UBE2E2: variants seen among roughly 807,000 people sequenced by gnomAD.
The protein encoded by UBE2E2 is ubiquitin-conjugating enzyme E2 E2.
Under a neutral mutation model 24.7 loss-of-function variants are expected in UBE2E2, and 6 were observed. That is an observed-to-expected ratio of 0.24 (90% CI 0.13 to 0.48). UBE2E2 has a LOEUF of 0.48. Ranked by LOEUF, UBE2E2 falls within the 20% of genes least tolerant of loss-of-function variation. The pLI, the probability that UBE2E2 is intolerant of heterozygous loss-of-function variation, is 0.99. For missense variants in UBE2E2, 169 were observed against 245.0 expected (o/e 0.69, Z 2.07); for synonymous variants, 104 against 83.6 (o/e 1.24, Z -1.33).
At chr3:23,466,537 A>T (rs992861901) in intron 3 of UBE2E2, among the ~76,000 whole-genome samples, 2 of 151,858 alleles carry the variant, frequency 1.3e-5, no homozygotes, top group African/African-American at 4.8e-5. Flanking sequence ...AATAAGGAGT[A>T]GTCCCAGAGT....
chr3:23,400,608 A>ACACACACACACACACACACACACATACT (rs1491535852), intron 3 of UBE2E2, among the ~76,000 whole-genome samples: 110 of 26,890 alleles, frequency 4.1e-3, no homozygotes, highest in Middle Eastern at 0.023. Context: ...AATAAATGAA[A>ACACACACACACACACACACACACATACT]CACACACACA....
chr3:23,494,020 T>C lies in UBE2E2; in HGVS notation c.228-5588T>C, dbSNP rs77261475. Among the ~76,000 whole-genome samples, 45 of 152,330 alleles carry C rather than the reference T, an allele frequency of 3.0e-4. 2 individuals carry two copies. In the East Asian group the frequency reaches 8.7e-3, roughly 29 times the overall value. On this transcript the variant is annotated intron_variant, in intron 3 of 5. Coordinates refer to ENST00000396703, the MANE Select transcript of UBE2E2 (RefSeq NM_152653.4). ...CAAGGAAACTAAGACATAGAAAAAT[T>C]ACACATTTACCCAGGTCCTAACAGG...
chr3:23,425,251 A>T (rs1478645628), intron 3 of UBE2E2, among the ~76,000 whole-genome samples: 1 of 152,194 alleles, frequency 6.6e-6, no homozygotes, highest in African/African-American at 2.4e-5. Flanking sequence ...GAAGTAGGGT[A>T]GGAATTGCTG....
intron 3 of UBE2E2, among the ~76,000 whole-genome samples, chr3:23,240,688 A>AT (rs1437205950): frequency 1.3e-5 from 2 of 152,216 alleles, no homozygotes; most frequent in African/African-American, 4.8e-5. Flanking sequence ...ATAGGGATGA[A>AT]TTAAGCCCTT....
chr3:23,234,411 C>A (rs1697051608), intron 3 of UBE2E2, among the ~76,000 whole-genome samples: 1 of 152,076 alleles, frequency 6.6e-6, no homozygotes, highest in Non-Finnish European at 1.5e-5. Flanking sequence ...TTCAGTTGGA[C>A]ACATACATTC....
intron 3 of UBE2E2, among the ~76,000 whole-genome samples, chr3:23,225,201 A>G (rs1419361608): frequency 2.0e-5 from 3 of 151,288 alleles, no homozygotes; most frequent in East Asian, 1.9e-4. Context: ...AGTCCTGTAC[A>G]TCAGATATAT....
chr3:23,570,027 C>T (rs376950313), intron 5 of UBE2E2, among the ~76,000 whole-genome samples: 17 of 152,248 alleles, frequency 1.1e-4, no homozygotes, highest in South Asian at 2.1e-4. Flanking sequence ...CTCACTACTG[C>T]GGGTCACTTT....
intron 3 of UBE2E2, among the ~76,000 whole-genome samples, chr3:23,228,074 A>G (rs1400027235): frequency 6.6e-6 from 1 of 152,194 alleles, no homozygotes; most frequent in Non-Finnish European, 1.5e-5. Flanking sequence ...GTATTAAGGG[A>G]AGACAACTGT....
intron 3 of UBE2E2, among the ~76,000 whole-genome samples, chr3:23,351,475 G>A (rs1432836845): frequency 6.6e-6 from 1 of 152,316 alleles, no homozygotes; most frequent in South Asian, 2.1e-4. Context: ...TCAGTGTGCT[G>A]TATTCAGGAA....
chr3:23,288,976 C>T (rs940143495), intron 3 of UBE2E2, among the ~76,000 whole-genome samples: 2 of 152,192 alleles, frequency 1.3e-5, no homozygotes, highest in African/African-American at 2.4e-5. Flanking sequence ...CTGTCCTACC[C>T]TCTTCAGTGA....
intron 3 of UBE2E2, among the ~76,000 whole-genome samples, chr3:23,331,896 T>G (rs1425833194): frequency 6.6e-6 from 1 of 152,224 alleles, no homozygotes; most frequent in East Asian, 1.9e-4. Flanking sequence ...GTCTAGTTGC[T>G]TAGTAAATGA....
At chr3:23,294,636 T>C (rs1480295490) in intron 3 of UBE2E2, among the ~76,000 whole-genome samples, 1 of 147,416 alleles carries the variant, frequency 6.8e-6, no homozygotes, top group Non-Finnish European at 1.5e-5. Context: ...GATATTTTTG[T>C]ATCTTTAGAT....
At chr3:23,552,375 A>C (rs148347948) in intron 5 of UBE2E2, among the ~76,000 whole-genome samples, 15 of 152,272 alleles carry the variant, frequency 9.9e-5, no homozygotes, top group South Asian at 2.1e-4. Context: ...TTTCAGTCAG[A>C]ATGTCAATAA....
In UBE2E2 at chr3:23,383,419, A is replaced by C. The variant is rs561239719; in HGVS notation, c.228-116189A>C. Among the ~76,000 whole-genome samples, 7 of 152,258 alleles carry C rather than the reference A, an allele frequency of 4.6e-5. No homozygotes were observed. In the East Asian group the frequency reaches 1.4e-3, roughly 29 times the overall value. On this transcript the variant is annotated intron_variant, in intron 3 of 5. Coordinates refer to ENST00000396703, the MANE Select transcript of UBE2E2 (RefSeq NM_152653.4). The stretch of plus-strand genomic sequence containing the variant: ...AGAGAAGTAGACGAAATCAACAACT[A>C]TATAGAATGAAATAGAAGCCGATTG...
In UBE2E2 at chr3:23,375,352, A is replaced by G. The variant is rs561413809; in HGVS notation, c.228-124256A>G. ...AATCACTTTTTAACTTACTATGAGA[A>G]TGCTACCTGATCCAAAAACCTGAAA... is the stretch of plus-strand genomic sequence containing the variant. On this transcript the variant is annotated intron_variant, in intron 3 of 5. Transcript: ENST00000396703. Among the ~76,000 whole-genome samples, 6 of 152,300 alleles carry G rather than the reference A, an allele frequency of 3.9e-5. No homozygotes were observed. In the South Asian group the frequency reaches 1.2e-3, roughly 32 times the overall value.
chr3:23,262,772 T>C (rs1275002298), intron 3 of UBE2E2, among the ~76,000 whole-genome samples: 2 of 152,186 alleles, frequency 1.3e-5, no homozygotes, highest in African/African-American at 4.8e-5. Flanking sequence ...TATGTAGTTT[T>C]ATTTGTTTAT....
intron 4 of UBE2E2, among the ~76,000 whole-genome samples, chr3:23,502,234 CTTT>C (rs34962134): frequency 1.5e-4 from 22 of 143,876 alleles, no homozygotes; most frequent in East Asian, 2.0e-4. Context: ...CTCTTTTGCT[CTTT>C]TTTTTTTTTT....
intron 3 of UBE2E2, among the ~76,000 whole-genome samples, chr3:23,424,483 A>G (rs1697879469): frequency 6.7e-6 from 1 of 149,524 alleles, no homozygotes. Context: ...ACTGAATTTG[A>G]TGGCTTTTTC....
intron 5 of UBE2E2, among the ~76,000 whole-genome samples, chr3:23,565,819 T>C (rs1015816188): frequency 3.3e-5 from 5 of 152,234 alleles, no homozygotes; most frequent in African/African-American, 1.2e-4. Context: ...CAGATCACTT[T>C]GATAAGCGCT....
Sources: allele counts gnomAD v4.1 joint callset (sites outside exome capture counted in the v4.1 genomes callset), GRCh38; gene constraint gnomAD v4.1.1; transcripts MANE v1.5; gene names NCBI Gene and HGNC (gene_info 2026-07-23, HGNC 2026-07-21).